Variants in SPECC1 observed in about 807,000 individuals in gnomAD.
SPECC1 encodes the protein cytospin-B.
Under a neutral mutation model 104.1 loss-of-function variants are expected in SPECC1, and 62 were observed. That is an observed-to-expected ratio of 0.60 (90% CI 0.49 to 0.74). The LOEUF (loss-of-function observed/expected upper bound fraction) is 0.74. Ranked by LOEUF, SPECC1 falls within the 30% of genes least tolerant of loss-of-function variation. SPECC1 has a pLI of 0.00. For missense variants in SPECC1, 1,306 were observed against 1,310.5 expected (o/e 1.00, Z 0.05); for synonymous variants, 513 against 501.6 (o/e 1.02, Z -0.30).
At chr17:20,240,060 ATTTTTTTTTTTTTTTTT>A (rs748689632) in intron 7 of SPECC1, among the ~76,000 whole-genome samples, 395 of 32,222 alleles carry the variant, frequency 0.012, 3 homozygotes, top group Non-Finnish European at 0.018. Context: ...TGTCCAGCTA[ATTTTTTTTTTTTTTTTT>A]TTTTTTTTTT....
At chr17:20,143,397 A>G (rs2031076300) in intron 3 of SPECC1, among the ~76,000 whole-genome samples, 1 of 151,806 alleles carries the variant, frequency 6.6e-6, no homozygotes, top group Admixed American at 6.6e-5. Context: ...AAAAAAAAAA[A>G]AAAAGTCCGA....
chr17:20,292,532 A>C (rs186195506), intron 12 of SPECC1, among the ~76,000 whole-genome samples: 1 of 152,038 alleles, frequency 6.6e-6, no homozygotes, highest in African/African-American at 2.4e-5. Flanking sequence ...GTTTCACTAC[A>C]TTGGCCAGGC....
chr17:20,193,584 T>C (rs181306411), intron 3 of SPECC1, among the ~76,000 whole-genome samples: 2 of 152,312 alleles, frequency 1.3e-5, no homozygotes, highest in African/African-American at 4.8e-5. Flanking sequence ...AAAGCATCAG[T>C]ATGGTAAGGT....
intron 1 of SPECC1, among the ~76,000 whole-genome samples, chr17:20,022,920 A>G (rs912812073): frequency 6.6e-6 from 1 of 152,230 alleles, no homozygotes; most frequent in African/African-American, 2.4e-5. Context: ...GGGTGTCAGC[A>G]TGGCAGCAGA....
chr17:20,198,941 AC>A (rs1263782287), intron 3 of SPECC1, among the ~76,000 whole-genome samples: 1 of 152,044 alleles, frequency 6.6e-6, no homozygotes, highest in Non-Finnish European at 1.5e-5. Flanking sequence ...AATGTATTCT[AC>A]CTCTGTGATT....
chr17:20,029,103 C>G (rs1237993974), intron 1 of SPECC1, among the ~76,000 whole-genome samples: 1 of 152,122 alleles, frequency 6.6e-6, no homozygotes, highest in African/African-American at 2.4e-5. Flanking sequence ...ATTTATAGAT[C>G]AATTTGGAGA....
chr17:20,290,135 C>G (rs1347392667), intron 12 of SPECC1: 1 of 151,994 alleles, frequency 6.6e-6, no homozygotes, highest in East Asian at 1.9e-4. Context: ...TCCTGAGGCA[C>G]TGGACTCTCA....
chr17:20,233,405 A>G lies in SPECC1; in HGVS notation c.2351+1000A>G, dbSNP rs973150252. Among the ~76,000 whole-genome samples, 6 of 152,216 alleles carry G rather than the reference A, an allele frequency of 3.9e-5. No individual in the cohort carries two copies. The East Asian group carries it at 5.8e-4, about 15-fold the overall frequency. ...GAATTCAGCTGTGATTCTCCTGTCA[A>G]TTCTGCTCCAAGTAATTCCTTATTT... On this transcript the variant is annotated intron_variant, in intron 7 of 14. Transcript: ENST00000395527.
chr17:20,125,507 T>G (rs2049255701), intron 3 of SPECC1, among the ~76,000 whole-genome samples: 1 of 152,232 alleles, frequency 6.6e-6, no homozygotes, highest in African/African-American at 2.4e-5. Flanking sequence ...AGCTTACGCA[T>G]CTGTACCCAC....
intron 12 of SPECC1, among the ~76,000 whole-genome samples, chr17:20,270,529 GACTT>G (rs2040373166): frequency 6.9e-6 from 1 of 144,624 alleles, no homozygotes. Context: ...TGAAGACAGA[GACTT>G]ACTTGAGCCC....
In SPECC1 at chr17:20,260,276, GA is replaced by G; in HGVS notation, c.2924del (p.Lys975ArgfsTer40). On this transcript the variant is annotated frameshift_variant, in exon 12 of 15. Transcript: ENST00000395527. LOFTEE classifies it high-confidence loss of function. ...RNALLKWCQK[K>X]TQGYANIDIT... Reference sequence around the variant, plus strand: ...ATGCTCTACTGAAATGGTGCCAGAAGAAGACACAAGGTTATGCGGTAAGGGA... The same window carrying G: ...ATGCTCTACTGAAATGGTGCCAGAAGAGACACAAGGTTATGCGGTAAGGGA... 10 of 1,614,032 alleles carry G rather than the reference GA, an allele frequency of 6.2e-6. No individual in the cohort carries two copies. The highest frequency in any genetic ancestry group is 1.3e-5 in the African/African-American group (1 of 75,066).
chr17:20,268,717 T>TCAGAAGACATTTCAG (rs1286729651), intron 12 of SPECC1, among the ~76,000 whole-genome samples: 4 of 152,316 alleles, frequency 2.6e-5, no homozygotes, highest in African/African-American at 9.6e-5. Flanking sequence ...GGCACAGGTG[T>TCAGAAGACATTTCAG]TGTCCTACAA....
At chr17:20,218,606 G>T (rs1021051025) in intron 4 of SPECC1, among the ~76,000 whole-genome samples, 2 of 151,468 alleles carry the variant, frequency 1.3e-5, no homozygotes, top group Non-Finnish European at 1.5e-5. Flanking sequence ...CTTTCCCTCC[G>T]TCCCTTCCTC....
chr17:20,045,151 A>G (rs755205526), intron 1 of SPECC1, among the ~76,000 whole-genome samples: 8 of 152,284 alleles, frequency 5.3e-5, no homozygotes, highest in Non-Finnish European at 1.0e-4. Flanking sequence ...TTCTGTGCAC[A>G]CACTAGATTT....
rs774598294 is a variant in SPECC1, at chr17:20,205,068, CA to C, written c.1021del (p.Arg341GlyfsTer25). The C allele has an allele frequency of 6.2e-7, 1 of 1,614,214 alleles. No homozygotes were observed. Among genetic ancestry groups the C allele is most frequent in the Non-Finnish European group, 8.5e-7 (1 of 1,180,042 alleles). ...DFEHITAETP[S>X]RPLSSTSNPF... ...GAGCACATTACAGCAGAGACACCCT[CA>C]AGGCCCCTGTCCTCCACCAGTAACC... is the stretch of plus-strand genomic sequence containing the variant. On this transcript the variant is annotated frameshift_variant, in exon 4 of 15. Coordinates refer to ENST00000395527, the MANE Select transcript of SPECC1 (RefSeq NM_001243439.2). LOFTEE classifies it high-confidence loss of function.
chr17:20,182,989 A>T (rs2035010837), intron 3 of SPECC1, among the ~76,000 whole-genome samples: 1 of 152,248 alleles, frequency 6.6e-6, no homozygotes, highest in East Asian at 1.9e-4. Flanking sequence ...ACTTGGACAT[A>T]GGTAGTACTC....
chr17:20,016,475 C>T (rs1424558546), intron 1 of SPECC1, among the ~76,000 whole-genome samples: 6 of 152,044 alleles, frequency 3.9e-5, no homozygotes, highest in African/African-American at 9.7e-5. Context: ...GGGAGAGGCG[C>T]GGGCGGGAAC....
chr17:20,081,436 AGAG>A (rs1325054911), intron 1 of SPECC1, among the ~76,000 whole-genome samples: 6 of 151,594 alleles, frequency 4.0e-5, no homozygotes, highest in Admixed American at 3.9e-4. Context: ...AATGAAGGGG[AGAG>A]GAGGGCCTGG....
At chr17:20,072,282 G>C (rs56301435) in intron 1 of SPECC1, among the ~76,000 whole-genome samples, 10,743 of 152,304 alleles carry the variant, frequency 0.071, 411 homozygotes, top group Non-Finnish European at 0.08. Flanking sequence ...AAGCCAGCCT[G>C]AATTCATCCT....
Sources: gnomAD v4.1 joint callset for allele counts (sites outside exome capture counted in the v4.1 genomes callset) on GRCh38, gnomAD v4.1.1 for gene constraint, MANE v1.5 for transcripts, NCBI Gene and HGNC (gene_info 2026-07-23, HGNC 2026-07-21) for gene names.